The following FBXL19 variants were observed in gnomAD, a reference collection of about 807,000 sequenced individuals.
The protein encoded by FBXL19 is F-box/LRR-repeat protein 19.
FBXL19 carries 16 observed loss-of-function variants against 71.2 expected under a neutral mutation model. The observed-to-expected ratio is 0.22, with a 90% CI of 0.15 to 0.34. The LOEUF (loss-of-function observed/expected upper bound fraction) is 0.34, where lower values mean the gene tolerates loss of function less well. FBXL19 is among the 10% of genes least tolerant of loss of function. The pLI is 1.00. For synonymous variants in FBXL19, 447 were observed against 409.4 expected (o/e 1.09, Z -1.11); for missense variants, 658 against 968.2 (o/e 0.68, Z 4.25).
intron 5 of FBXL19, 119 bp downstream of exon 5, chr16:30,928,082 G>A (rs2055619906): frequency 2.9e-6 from 2 of 684,648 alleles, no homozygotes; most frequent in East Asian, 3.0e-5. Flanking sequence ...CCCAAGGACT[G>A]TTGGGAGATG....
In FBXL19 at chr16:30,947,813, C is replaced by G; in HGVS notation, c.*583C>G. ...GCAGGTGTGGGGACAGCAATACCCC[C>G]TTGGGGGTCACCTCTCTGCTTCCCC... On this transcript the variant is annotated 3_prime_UTR_variant, in exon 11 of 11. Transcript: ENST00000338343. 1 of 445,028 alleles carries G rather than the reference C, an allele frequency of 2.2e-6. No individual in the cohort carries two copies. Among genetic ancestry groups the G allele is most frequent in the Non-Finnish European group, 4.5e-6 (1 of 221,628 alleles). The allele number at this position is 445,028 out of a possible 1,614,324, so 27.6% of individuals were successfully genotyped here. A position where few individuals can be genotyped will look rare whatever the true frequency, so the allele number is the denominator to read the frequency against.
rs757646453 is a variant in FBXL19 at position 30,928,458 on chromosome 16, C to T, written c.628-9C>T. The T allele has an allele frequency of 1.2e-5, 19 of 1,564,890 alleles. No homozygotes were observed. The highest frequency in any genetic ancestry group is 1.6e-5 in the Non-Finnish European group (19 of 1,154,912). On this transcript the variant is annotated splice_polypyrimidine_tract_variant and intron_variant, in intron 5 of 10. Transcript: ENST00000338343. The stretch of plus-strand genomic sequence containing the variant: ...TCCCTTCCTCCATATCTCCCTCTCA[C>T]CCTGGTAGGTGAAAGGAGGCCGAGA...
At chr16:30,944,830 C>T (rs1351056240) in intron 9 of FBXL19, among the ~76,000 whole-genome samples, 2 of 152,148 alleles carry the variant, frequency 1.3e-5, no homozygotes, top group African/African-American at 2.4e-5. Flanking sequence ...CCTCTCCAGG[C>T]GCTTGGCTCC....
chr16:30,926,009 C>T, intron 2 of FBXL19, 78 bp downstream of exon 2: 1 of 1,390,584 alleles, frequency 7.2e-7, no homozygotes, highest in Non-Finnish European at 9.3e-7. Flanking sequence ...TGCCTCCCAG[C>T]CTGTACTGTG....
intron 7 of FBXL19, among the ~76,000 whole-genome samples, chr16:30,939,589 AT>A (rs952268362): frequency 1.1e-4 from 14 of 131,772 alleles, no homozygotes; most frequent in African/African-American, 1.4e-4. Context: ...AATTTTTTGT[AT>A]TTTTTTTTTA....
chr16:30,945,414 C>CT (rs1422499526), intron 9 of FBXL19, among the ~76,000 whole-genome samples: 2 of 152,230 alleles, frequency 1.3e-5, no homozygotes, highest in East Asian at 3.9e-4. Flanking sequence ...AATCCTAGCA[C>CT]TTTGGGAGGC....
At chr16:30,931,068 C>T (rs1032618158) in intron 7 of FBXL19, among the ~76,000 whole-genome samples, 9 of 152,112 alleles carry the variant, frequency 5.9e-5, no homozygotes, top group African/African-American at 1.7e-4. Context: ...CCCCTGCCCT[C>T]GAAAGACAGC....
Position 30,947,994 on chromosome 16 carries a change from C to T in FBXL19, c.*764C>T, listed in dbSNP as rs1208146697. Reference sequence around the variant, plus strand: ...CGCCCCAACCCCCTGCCCGCCTCTCCGCACAATACTTGAACATTCATCTGT... The same window carrying T: ...CGCCCCAACCCCCTGCCCGCCTCTCTGCACAATACTTGAACATTCATCTGT... On this transcript the variant is annotated 3_prime_UTR_variant, in exon 11 of 11. Coordinates refer to ENST00000338343, the MANE Select transcript of FBXL19 (RefSeq NM_001382779.1). The T allele has an allele frequency of 1.1e-5, 4 of 379,536 alleles. No individual in the cohort carries two copies. Among genetic ancestry groups the T allele is most frequent in the Non-Finnish European group, 2.1e-5 (4 of 192,988 alleles). The allele number at this position is 379,536 out of a possible 1,614,324, so 23.5% of individuals were successfully genotyped here.
At chr16:30,927,213 C>A in intron 2 of FBXL19, 95 bp from the exon 3 acceptor site, 2 of 1,319,060 alleles carry the variant, frequency 1.5e-6, no homozygotes, top group African/African-American at 1.5e-5. Flanking sequence ...GTGGGTGCTG[C>A]ACCTCATCCG....
In FBXL19 at chr16:30,930,634, T is replaced by G; in HGVS notation, c.1301+50T>G. On this transcript the variant is annotated intron_variant, in intron 7 of 10. Coordinates refer to ENST00000338343, the MANE Select transcript of FBXL19 (RefSeq NM_001382779.1). This position sits in a 1 kb window ranked among gnomAD's most constrained non-coding sequence, Gnocchi z 8.5. The stretch of plus-strand genomic sequence containing the variant: ...TTCCGTGGCCAGCAGGCTTCCCGCT[T>G]GCTGGGTGACCTGCGGTAGGTCTCT... The G allele has an allele frequency of 7.1e-7, 1 of 1,401,670 alleles. No homozygotes were observed. The highest frequency in any genetic ancestry group is 9.2e-7 in the Non-Finnish European group (1 of 1,084,434). The allele number at this position is 1,401,670 out of a possible 1,614,324, so 86.8% of individuals were successfully genotyped here.
intron 7 of FBXL19, among the ~76,000 whole-genome samples, chr16:30,939,501 C>T (rs1035138664): frequency 1.5e-4 from 22 of 150,930 alleles, no homozygotes; most frequent in Admixed American, 5.3e-4. Flanking sequence ...GCAAGCTCCA[C>T]CTCCCAGATT....
chr16:30,926,597 C>T (rs1274189364), intron 2 of FBXL19, among the ~76,000 whole-genome samples: 4 of 152,026 alleles, frequency 2.6e-5, no homozygotes, highest in Non-Finnish European at 5.9e-5. Flanking sequence ...CCTCCCCACT[C>T]TGCCACCTCC....
Position 30,925,707 on chromosome 16 carries a change from G to A in FBXL19, c.-24-24G>A. 6.7e-7 allele frequency: 1 copy of A among 1,488,482 alleles called. No homozygotes were observed. Among genetic ancestry groups the A allele is most frequent in the Non-Finnish European group, 8.9e-7 (1 of 1,125,752 alleles). The allele number at this position is 1,488,482 out of a possible 1,614,324, so 92.2% of individuals were successfully genotyped here. ...GGCCAGGGCCCCAGTGGGCCCATCT[G>A]ACCCTGCCACCATCCACCTACAGCC... On this transcript the variant is annotated intron_variant, in intron 1 of 10. Transcript: ENST00000338343. This position sits in a 1 kb window ranked among gnomAD's most constrained non-coding sequence, Gnocchi z 5.0.
chr16:30,940,339 G>T (rs1157142204), intron 7 of FBXL19, among the ~76,000 whole-genome samples: 3 of 151,760 alleles, frequency 2.0e-5, no homozygotes, highest in Non-Finnish European at 4.4e-5. Flanking sequence ...AGGATGGCTT[G>T]AGCCCAGGAG....
chr16:30,938,136 TAGGAGGGAAC>T (rs1312625712), intron 7 of FBXL19, among the ~76,000 whole-genome samples: 4 of 151,278 alleles, frequency 2.6e-5, no homozygotes, highest in Admixed American at 2.6e-4. Context: ...AGGATGAGGG[TAGGAGGGAAC>T]AGGAGAGCGA....
rs759646185 is a variant in FBXL19 at position 30,930,539 on chromosome 16, G to A, written c.1256G>A (p.Arg419Gln). The change falls in exon 7 of 11, where the codon CGG becomes CAG. Residue 419 changes from arginine to glutamine, a missense_variant. Transcript: ENST00000338343. The surrounding 1 kb of genome is among the most constrained non-coding windows in gnomAD (Gnocchi z 8.5). ...WLRVFQHLGP[R>Q]ELCICMRVCR... ...CGCGTCTTCCAGCACCTCGGGCCGC[G>A]GGAGCTGTGTATCTGCATGCGAGTC... The A allele has an allele frequency of 2.7e-5, 40 of 1,501,380 alleles. No individual in the cohort carries two copies. Among genetic ancestry groups the A allele is most frequent in the East Asian group, 5.0e-5 (2 of 39,878 alleles). 93.0% of individuals were successfully genotyped at this position (1,501,380 alleles called of 1,614,324 possible).
Position 30,927,756 on chromosome 16 carries a change from G to T in FBXL19, c.420G>T (p.Glu140Asp). 6.4e-7 allele frequency: 1 copy of T among 1,556,988 alleles called. No homozygotes were observed. Among genetic ancestry groups the T allele is most frequent in the Non-Finnish European group, 8.7e-7 (1 of 1,150,856 alleles). ...TCTGTCCCGCCTAGGATTCAGGTGA[G>T]GGGCCTGGCCGCCGTAGGGCCGACA... ...QEGRTSKDSG[E>D]GPGRRRADNG... Residue 140 changes from glutamate to aspartate, a missense_variant, in exon 5 of 11, where the codon GAG becomes GAT. Physicochemically the swap from Glu to Asp is conservative, Grantham distance 45. Transcript: ENST00000338343.
chr16:30,936,891 T>C (rs2055743691), intron 7 of FBXL19, among the ~76,000 whole-genome samples: 2 of 151,684 alleles, frequency 1.3e-5, no homozygotes, highest in Non-Finnish European at 2.9e-5. Flanking sequence ...TGCAGGCGCG[T>C]GCCACCACAC....
chr16:30,943,965 C>T (rs2055829711), intron 9 of FBXL19, among the ~76,000 whole-genome samples: 1 of 152,148 alleles, frequency 6.6e-6, no homozygotes, highest in South Asian at 2.1e-4. Context: ...GGATTGACTG[C>T]TGCAGGTCAC....
Sources: gnomAD v4.1 joint callset for allele counts (sites outside exome capture counted in the v4.1 genomes callset) on GRCh38, gnomAD v4.1.1 for gene constraint, Gnocchi (gnomAD v3.1) non-coding constraint, MANE v1.5 for transcripts, NCBI Gene and HGNC (gene_info 2026-07-23, HGNC 2026-07-21) for gene names.